CRTC1: variants seen among roughly 807,000 people sequenced by gnomAD.
The protein encoded by CRTC1 is CREB regulated transcription coactivator 1.
In CRTC1, 18 loss-of-function variants were observed where a neutral mutation model predicts 66.1. That is an observed-to-expected ratio of 0.27 (90% CI 0.19 to 0.40). The LOEUF is 0.40. Ranked by LOEUF, CRTC1 falls within the 10% of genes least tolerant of loss-of-function variation. CRTC1 has a pLI of 1.00. For missense variants in CRTC1, 669 were observed against 887.9 expected (o/e 0.75, Z 3.13); for synonymous variants, 416 against 398.8 (o/e 1.04, Z -0.51).
At chr19:18,750,775 G>A (rs1368212129) in intron 5 of CRTC1, among the ~76,000 whole-genome samples, 2 of 152,230 alleles carry the variant, frequency 1.3e-5, no homozygotes, top group Non-Finnish European at 2.9e-5. Flanking sequence ...GGCTCAGCGT[G>A]CAGCAGAGAC....
In CRTC1 at chr19:18,760,518, C is replaced by G. The variant is rs980914958; in HGVS notation, c.886+290C>G. 6.6e-6 allele frequency among the ~76,000 whole-genome samples: 1 copy of G among 151,980 alleles called. No individual in the cohort carries two copies. The highest frequency in any genetic ancestry group is 1.5e-5 in the Non-Finnish European group (1 of 67,940). ...AGGAGGGAAGCCCTGGGAGTTTTAA[C>G]GCAGCTGGGGTGGGCCAGGCCTTCC... On this transcript the variant is annotated intron_variant, in intron 8 of 13. Transcript: ENST00000321949. The surrounding 1 kb of genome is among the most constrained non-coding windows in gnomAD (Gnocchi z 6.2).
At chr19:18,745,109 C>T (rs767246874) in intron 2 of CRTC1, among the ~76,000 whole-genome samples, 20 of 152,106 alleles carry the variant, frequency 1.3e-4, no homozygotes, top group Non-Finnish European at 2.8e-4. Context: ...GGCATGAGGC[C>T]GGGCATGTAG....
chr19:18,730,684 G>A (rs778245780), intron 1 of CRTC1, among the ~76,000 whole-genome samples: 54 of 151,972 alleles, frequency 3.6e-4, no homozygotes, highest in Non-Finnish European at 6.8e-4. Flanking sequence ...CCTTCATCCC[G>A]GACGGTTCCT....
intron 6 of CRTC1, among the ~76,000 whole-genome samples, chr19:18,753,907 C>T (rs1025869992): frequency 6.6e-6 from 1 of 152,100 alleles, no homozygotes; most frequent in Non-Finnish European, 1.5e-5. Flanking sequence ...CAAGACCAGC[C>T]TGGCCAACAT....
At chr19:18,767,679 C>T (rs1024124569) in intron 9 of CRTC1, among the ~76,000 whole-genome samples, 4 of 152,188 alleles carry the variant, frequency 2.6e-5, no homozygotes, top group East Asian at 1.9e-4. Flanking sequence ...GAGCTGTGGG[C>T]GCTGGCTCCT....
At chr19:18,732,464 G>A (rs1457773860) in intron 1 of CRTC1, among the ~76,000 whole-genome samples, 2 of 152,246 alleles carry the variant, frequency 1.3e-5, no homozygotes, top group Non-Finnish European at 2.9e-5. Context: ...CCAGAAGGAA[G>A]GCATTCTGTC....
chr19:18,751,704 G>A (rs115625574), intron 5 of CRTC1, among the ~76,000 whole-genome samples: 3,168 of 152,126 alleles, frequency 0.021, 114 homozygotes, highest in African/African-American at 0.072. Context: ...GCTGACTCAC[G>A]GGGCCGCTGC....
intron 4 of CRTC1, among the ~76,000 whole-genome samples, chr19:18,747,670 C>T (rs1017995135): frequency 6.6e-6 from 1 of 152,258 alleles, no homozygotes; most frequent in Non-Finnish European, 1.5e-5. Context: ...ATATTCAGCA[C>T]TGTAGCTTGC....
At chr19:18,742,761 C>T in intron 1 of CRTC1, 149 bp from the exon 2 acceptor site, 1 of 641,416 alleles carries the variant, frequency 1.6e-6, no homozygotes, top group Non-Finnish European at 2.8e-6. Flanking sequence ...CACCTGGTTT[C>T]CTTAAGCATC....
intron 1 of CRTC1, among the ~76,000 whole-genome samples, chr19:18,726,965 G>A (rs1001571171): frequency 2.0e-5 from 3 of 150,572 alleles, no homozygotes; most frequent in Non-Finnish European, 4.4e-5. Context: ...AGGCAAAACA[G>A]GCCAGGCACG....
intron 1 of CRTC1, among the ~76,000 whole-genome samples, chr19:18,692,601 CAAA>C (rs36124401): frequency 4.0e-5 from 5 of 123,988 alleles, no homozygotes; most frequent in Non-Finnish European, 3.5e-5. Flanking sequence ...AACTCTGTCT[CAAA>C]AAAAAAAAAA....
chr19:18,738,528 C>T (rs1166652052), intron 1 of CRTC1, among the ~76,000 whole-genome samples: 1 of 151,496 alleles, frequency 6.6e-6, no homozygotes. Flanking sequence ...TGAGCCAGGC[C>T]CAGTGGCTCA....
At chr19:18,723,887 G>A (rs991757191) in intron 1 of CRTC1, among the ~76,000 whole-genome samples, 6 of 152,186 alleles carry the variant, frequency 3.9e-5, no homozygotes, top group Non-Finnish European at 5.9e-5. Context: ...CATTGCACAC[G>A]CCACCGTCAT....
In CRTC1 at chr19:18,741,765, CCATCGG is replaced by C. The variant is rs1376484945; in HGVS notation, c.127-1143_127-1138del. On this transcript the variant is annotated intron_variant, in intron 1 of 13. Transcript: ENST00000321949. This position sits in a 1 kb window ranked among gnomAD's most constrained non-coding sequence, Gnocchi z 4.2. ...CCAATAACACACAAGGTTAATCTTA[CCATCGG>C]CTCCACTTCAGCTCACAGGAAACAG... Among the ~76,000 whole-genome samples the C allele has an allele frequency of 6.6e-6, 1 of 152,206 alleles. No homozygotes were observed. Among genetic ancestry groups the C allele is most frequent in the Non-Finnish European group, 1.5e-5 (1 of 68,014 alleles).
At chr19:18,685,606 G>A (rs1040269481) in intron 1 of CRTC1, among the ~76,000 whole-genome samples, 1 of 152,156 alleles carries the variant, frequency 6.6e-6, no homozygotes, top group Admixed American at 6.6e-5. Flanking sequence ...GCAGTGAGCC[G>A]AGATCATGTT....
rs2054582651 is a variant in CRTC1 at position 18,760,161 on chromosome 19, C to A, written c.819C>A (p.Ser273Arg). ...AGGAGCCCACCTTCCCTGCACTGAG[C>A]AGCTCCAGCAGCACCGGCAACCTCG... ...DPEEPTFPALSSSSSTGNLAA... is the reference protein window; with the variant it reads ...DPEEPTFPALRSSSSTGNLAA... Residue 273 changes from serine (S) to arginine (R), a missense_variant, in exon 8 of 14, where the codon AGC (serine) becomes AGA (arginine). Ser to Arg is a moderately radical substitution (Grantham distance 110, BLOSUM62 -1). Transcript: ENST00000321949. The surrounding 1 kb of genome is among the most constrained non-coding windows in gnomAD (Gnocchi z 6.2). 1 of 1,613,610 alleles carries A rather than the reference C, an allele frequency of 6.2e-7. No homozygotes were observed. The highest frequency in any genetic ancestry group is 1.1e-5 in the South Asian group (1 of 91,082).
At chr19:18,776,870 C>T (rs2055000802) in intron 13 of CRTC1, among the ~76,000 whole-genome samples, 1 of 152,172 alleles carries the variant, frequency 6.6e-6, no homozygotes, top group African/African-American at 2.4e-5. Context: ...CCTGCCCTCG[C>T]CAGGTCATGC....
Position 18,768,548 on chromosome 19 carries a change from G to T in CRTC1, c.1075G>T (p.Gly359Cys). The change falls in exon 10 of 14, where the codon GGC (glycine) becomes TGC (cysteine). Residue 359 changes from glycine (G) to cysteine (C), a missense_variant. Gly to Cys is a radical substitution (Grantham distance 159). Coordinates refer to ENST00000321949, the MANE Select transcript of CRTC1 (RefSeq NM_015321.3). The surrounding 1 kb of genome is among the most constrained non-coding windows in gnomAD (Gnocchi z 5.6). ...QLPYAFFTQAGSQQPPPQPQP... is the reference protein window; with the variant it reads ...QLPYAFFTQACSQQPPPQPQP... Reference sequence around the variant, plus strand: ...GCCCTACGCCTTCTTCACCCAGGCGGGCTCCCAGCAGCCACCGCCGCAGCC... The same window carrying T: ...GCCCTACGCCTTCTTCACCCAGGCGTGCTCCCAGCAGCCACCGCCGCAGCC... 1 of 1,606,410 alleles carries T rather than the reference G, an allele frequency of 6.2e-7. No individual in the cohort carries two copies.
In CRTC1 at chr19:18,771,193, G is replaced by A. The variant is rs2054859462; in HGVS notation, c.1321-249G>A. Among the ~76,000 whole-genome samples the A allele has an allele frequency of 6.6e-6, 1 of 152,052 alleles. No homozygotes were observed. ...GATCACCCTCCTGTAGCTCCAAGAA[G>A]GAGGGCAGTTATTCACCCTCCACGC... On this transcript the variant is annotated intron_variant, in intron 10 of 13. Coordinates refer to ENST00000321949, the MANE Select transcript of CRTC1 (RefSeq NM_015321.3). This position sits in a 1 kb window ranked among gnomAD's most constrained non-coding sequence, Gnocchi z 4.6.
Sources: gnomAD v4.1 joint callset for allele counts (sites outside exome capture counted in the v4.1 genomes callset) on GRCh38, gnomAD v4.1.1 for gene constraint, Gnocchi (gnomAD v3.1) non-coding constraint, MANE v1.5 for transcripts, NCBI Gene and HGNC (gene_info 2026-07-23, HGNC 2026-07-21) for gene names.